The following TBC1D16 variants were observed in gnomAD, a reference collection of about 807,000 sequenced individuals.
TBC1D16 encodes CTD-2529O21.1.
A neutral mutation model predicts 74.7 loss-of-function variants in TBC1D16; 58 were observed. The observed-to-expected ratio is 0.78, with a 90% CI of 0.63 to 0.97. The LOEUF is 0.97. Ranked by LOEUF, TBC1D16 falls within the 50% of genes least tolerant of loss-of-function variation. The probability of loss-of-function intolerance (pLI) is 0.00; values close to 1 mark genes in which losing one functional copy is unlikely to be tolerated. For synonymous variants in TBC1D16, 493 were observed against 474.7 expected, an observed-to-expected ratio of 1.04 and a Z score of -0.50; for missense variants, 1,014 against 1,079.5, an observed-to-expected ratio of 0.94 and a Z score of 0.85.
rs774713186 is a variant in TBC1D16, at chr17:79,949,778, C to T, written c.1345G>A (p.Glu449Lys). The T allele has an allele frequency of 6.2e-7, 1 of 1,613,730 alleles. No homozygotes were observed. Among genetic ancestry groups the T allele is most frequent in the Admixed American group, 1.7e-5 (1 of 60,028 alleles). Residue 449 changes from glutamate to lysine, a missense_variant, in exon 7 of 12, where the codon GAG becomes AAG. Glu to Lys is a moderately conservative substitution (Grantham distance 56). Transcript: ENST00000310924. ...LRYYSHESTS[E>K]EREALRLQKR... The stretch of plus-strand genomic sequence containing the variant: ...TGCAGCCGCAGCGCCTCCCGCTCCT[C>T]CGACGTGGACTCGTGGCTGTAATAG...
At chr17:80,031,590 C>T (rs1188096078) in intron 1 of TBC1D16, among the ~76,000 whole-genome samples, 3 of 152,124 alleles carry the variant, frequency 2.0e-5, no homozygotes, top group Non-Finnish European at 4.4e-5. Flanking sequence ...TGATTAGCAC[C>T]CACTCCCTGG....
intron 10 of TBC1D16, among the ~76,000 whole-genome samples, chr17:79,943,301 G>T (rs2032193437): frequency 6.6e-6 from 1 of 152,208 alleles, no homozygotes. Flanking sequence ...CGGAGGGGTT[G>T]CAGGAAGGTG....
chr17:80,025,391 C>T (rs1473005917), intron 1 of TBC1D16, among the ~76,000 whole-genome samples: 1 of 150,072 alleles, frequency 6.7e-6, no homozygotes, highest in Non-Finnish European at 1.5e-5. Context: ...GCTGGTCTGT[C>T]TTGGGTCCAT....
In TBC1D16 at chr17:79,950,319, G is replaced by T; in HGVS notation, c.1257+92C>A. The T allele has an allele frequency of 7.1e-7, 1 of 1,418,294 alleles. No individual in the cohort carries two copies. Among genetic ancestry groups the T allele is most frequent in the African/African-American group, 1.4e-5 (1 of 69,326 alleles). 87.9% of individuals were successfully genotyped at this position (1,418,294 alleles called of 1,614,324 possible). Reference sequence around the variant, plus strand: ...GAGGAGGTGGCCCGTGGGTGCGGGCGGGCGGCCAGGCCCCGGCCCTCCTTC... The same window carrying T: ...GAGGAGGTGGCCCGTGGGTGCGGGCTGGCGGCCAGGCCCCGGCCCTCCTTC... On this transcript the variant is annotated intron_variant, in intron 6 of 11. Transcript: ENST00000310924. This position sits in a 1 kb window ranked among gnomAD's most constrained non-coding sequence, Gnocchi z 4.6.
rs867905378 is a variant in TBC1D16, at chr17:79,987,214, G to C, written c.779+22946C>G. Among the ~76,000 whole-genome samples, 2 of 151,956 alleles carry C rather than the reference G, an allele frequency of 1.3e-5. No homozygotes were observed. Among genetic ancestry groups the C allele is most frequent in the Admixed American group, 1.3e-4 (2 of 15,252 alleles). ...AGAGCGTCTCGGTCTGGGTGGGAGCGGGGAATAAGCATTTCTTTAAGGAAT... is the reference window on the plus strand; with the variant it reads ...AGAGCGTCTCGGTCTGGGTGGGAGCCGGGAATAAGCATTTCTTTAAGGAAT... On this transcript the variant is annotated intron_variant, in intron 3 of 11. Transcript: ENST00000310924. This position sits in a 1 kb window ranked among gnomAD's most constrained non-coding sequence, Gnocchi z 5.2.
Position 79,950,784 on chromosome 17 carries a change from G to A in TBC1D16, c.1090-206C>T. 23 of 1,536,144 alleles carry A rather than the reference G, an allele frequency of 1.5e-5. No individual in the cohort carries two copies. Among genetic ancestry groups the A allele is most frequent in the Non-Finnish European group, 2.0e-5 (23 of 1,146,880 alleles). ...CATCTTAAAATCGGTTTCCCTCTGC[G>A]GCTCTCTCCTCCCCGGCCCACTGTG... On this transcript the variant is annotated intron_variant, in intron 5 of 11. Coordinates refer to ENST00000310924, the MANE Select transcript of TBC1D16 (RefSeq NM_019020.4). This position sits in a 1 kb window ranked among gnomAD's most constrained non-coding sequence, Gnocchi z 4.6.
At chr17:80,013,846 T>C (rs2035994230) in intron 1 of TBC1D16, among the ~76,000 whole-genome samples, 1 of 152,064 alleles carries the variant, frequency 6.6e-6, no homozygotes. Flanking sequence ...GCACCTCCCT[T>C]CCCAGTACGA....
At position 80,001,567 on chromosome 17, in the gene TBC1D16, G is replaced by A. The variant is rs1369538334; in HGVS notation, c.779+8593C>T. 6.6e-6 allele frequency among the ~76,000 whole-genome samples: 1 copy of A among 152,098 alleles called. No individual in the cohort carries two copies. The highest frequency in any genetic ancestry group is 1.5e-5 in the Non-Finnish European group (1 of 68,002). On this transcript the variant is annotated intron_variant, in intron 3 of 11. Transcript: ENST00000310924. This position sits in a 1 kb window ranked among gnomAD's most constrained non-coding sequence, Gnocchi z 5.8. ...CGGGGTATCCCCGGGCGCCCTGGTT[G>A]GCCCACGACCGGGATCAGGGGTTTG... is the stretch of plus-strand genomic sequence containing the variant.
rs1025485877 is a variant in TBC1D16, at chr17:79,945,088, C to G, written c.1729-1G>C. ...GCCGCAGCAGCTCGCGCAGGTACAG[C>G]TGGGGGTGAGGCCGTCACGCGTTAG... On this transcript the variant is annotated splice_acceptor_variant, in intron 9 of 11. Transcript: ENST00000310924. LOFTEE classifies it high-confidence loss of function. 2 of 1,577,482 alleles carry G rather than the reference C, an allele frequency of 1.3e-6. No individual in the cohort carries two copies.
rs1289578524 is a variant in TBC1D16 at position 79,956,496 on chromosome 17, T to C, written c.780-3678A>G. On this transcript the variant is annotated intron_variant, in intron 3 of 11. Coordinates refer to ENST00000310924, the MANE Select transcript of TBC1D16 (RefSeq NM_019020.4). This position sits in a 1 kb window ranked among gnomAD's most constrained non-coding sequence, Gnocchi z 4.0. ...CTCAAACTCCTGAGCTCAAGCGATC[T>C]GTCTGCCTTGGCCTCCCAAAGTGCT... Among the ~76,000 whole-genome samples the C allele has an allele frequency of 1.3e-5, 2 of 152,092 alleles. No homozygotes were observed. The highest frequency in any genetic ancestry group is 2.9e-5 in the Non-Finnish European group (2 of 68,012).
At chr17:80,002,591 G>A (rs74000318) in intron 3 of TBC1D16, among the ~76,000 whole-genome samples, 4,699 of 152,328 alleles carry the variant, frequency 0.031, 236 homozygotes, top group African/African-American at 0.11. Flanking sequence ...TTTGGACAGA[G>A]AGTTTTTCGG....
At chr17:79,957,827 CT>C (rs2033406757) in intron 3 of TBC1D16, among the ~76,000 whole-genome samples, 1 of 147,342 alleles carries the variant, frequency 6.8e-6, no homozygotes, top group South Asian at 2.2e-4. Flanking sequence ...TGCTGTGAAA[CT>C]AAAACAGCTT....
At chr17:79,959,253 C>A (rs1160035905) in intron 3 of TBC1D16, among the ~76,000 whole-genome samples, 1 of 152,142 alleles carries the variant, frequency 6.6e-6, no homozygotes, top group East Asian at 1.9e-4. Flanking sequence ...CAAATAGGAT[C>A]TTAAGAAATG....
At chr17:79,998,642 G>A (rs2035368559) in intron 3 of TBC1D16, among the ~76,000 whole-genome samples, 1 of 151,464 alleles carries the variant, frequency 6.6e-6, no homozygotes, top group Admixed American at 6.6e-5. Flanking sequence ...ACCGCACCCG[G>A]CCCAGATTGG....
intron 3 of TBC1D16, among the ~76,000 whole-genome samples, chr17:79,963,797 T>G (rs1431971697): frequency 6.6e-6 from 1 of 152,216 alleles, no homozygotes; most frequent in Non-Finnish European, 1.5e-5. Context: ...TCGTATTTCA[T>G]TGGAGTTTTG....
Position 79,945,042 on chromosome 17 carries a change from G to T in TBC1D16, c.1774C>A (p.Gln592Lys). The T allele has an allele frequency of 6.3e-7, 1 of 1,585,542 alleles. No homozygotes were observed. The highest frequency in any genetic ancestry group is 8.6e-7 in the Non-Finnish European group (1 of 1,167,322). ...LLRLTHVRFY[Q>K]HLVSLGEDGL... ...TCCTCGCCCAGCGAGACCAGGTGCT[G>T]GTAGAAGCGCACGTGCGTCAGCCGC... Residue 592 changes from glutamine to lysine, a missense_variant, in exon 10 of 12, where the codon CAG (glutamine) becomes AAG (lysine). Coordinates refer to ENST00000310924, the MANE Select transcript of TBC1D16 (RefSeq NM_019020.4).
At chr17:79,965,201 T>G (rs1268995024) in intron 3 of TBC1D16, among the ~76,000 whole-genome samples, 1 of 152,052 alleles carries the variant, frequency 6.6e-6, no homozygotes, top group Non-Finnish European at 1.5e-5. Flanking sequence ...TGCCTCAGCC[T>G]CCCAAGTAGC....
At chr17:80,027,063 A>C (rs377058417) in intron 1 of TBC1D16, among the ~76,000 whole-genome samples, 53 of 152,314 alleles carry the variant, frequency 3.5e-4, no homozygotes, top group African/African-American at 1.2e-3. Flanking sequence ...TATAGGAAGG[A>C]CTCAGAGTTC....
At chr17:79,991,832 C>T (rs2035073845) in intron 3 of TBC1D16, 1 of 151,136 alleles carries the variant, frequency 6.6e-6, no homozygotes, top group South Asian at 2.1e-4. Flanking sequence ...GGAGTGCCAC[C>T]TCCACGCAGA....
Sources: allele counts gnomAD v4.1 joint callset (sites outside exome capture counted in the v4.1 genomes callset), GRCh38; gene constraint gnomAD v4.1.1; non-coding constraint Gnocchi (gnomAD v3.1); transcripts MANE v1.5; gene names NCBI Gene and HGNC (gene_info 2026-07-23, HGNC 2026-07-21).